The following SCAF8 variants were observed in gnomAD, a reference collection of about 807,000 sequenced individuals.
The protein encoded by SCAF8 is SR-related and CTD-associated factor 8.
SCAF8 carries 23 observed loss-of-function variants against 140.5 expected under a neutral mutation model. The ratio of observed to expected loss-of-function variants is 0.16; its 90% confidence interval spans 0.12 to 0.23. The LOEUF is 0.23. SCAF8 is among the 10% of genes least tolerant of loss of function. SCAF8 has a pLI of 1.00. For synonymous variants in SCAF8, 575 were observed against 528.9 expected (o/e 1.09, Z -1.20); for missense variants, 1,397 against 1,555.7 (o/e 0.90, Z 1.72).
chr6:154,824,521 C>A (rs1778508518), intron 17 of SCAF8, 143 bp downstream of exon 17: 4 of 700,854 alleles, frequency 5.7e-6, no homozygotes, highest in Non-Finnish European at 9.3e-6. Flanking sequence ...CTGGGCCCAG[C>A]CTCCACTGTT....
At chr6:154,771,533 G>A (rs1047667086) in intron 1 of SCAF8, among the ~76,000 whole-genome samples, 1 of 152,178 alleles carries the variant, frequency 6.6e-6, no homozygotes, top group Non-Finnish European at 1.5e-5. Context: ...AGAGTGGGAA[G>A]GCATCGACCA....
At chr6:154,737,663 C>T (rs574125576) in intron 1 of SCAF8, among the ~76,000 whole-genome samples, 1 of 152,120 alleles carries the variant, frequency 6.6e-6, no homozygotes, top group East Asian at 1.9e-4. Flanking sequence ...AGCTGCACCA[C>T]TACACTCTGG....
Position 154,832,044 on chromosome 6 carries a change from G to C in SCAF8, c.2465G>C (p.Ser822Thr), listed in dbSNP as rs1444906304. The change falls in exon 20 of 20, where the codon AGT becomes ACT. Residue 822 changes from serine (S) to threonine (T), a missense_variant. Coordinates refer to ENST00000367178, the MANE Select transcript of SCAF8 (RefSeq NM_014892.5). ...ILGVQRPNVS[S>T]NSEILGVRPS... ...GGAGTCCAAAGACCAAATGTATCAA[G>C]TAATTCTGAAATTCTTGGGGTCCGG... 1 of 1,613,924 alleles carries C rather than the reference G, an allele frequency of 6.2e-7. No homozygotes were observed. The highest frequency in any genetic ancestry group is 1.3e-5 in the African/African-American group (1 of 74,880).
intron 2 of SCAF8, among the ~76,000 whole-genome samples, chr6:154,775,155 G>C (rs779676581): frequency 6.6e-6 from 1 of 152,140 alleles, no homozygotes; most frequent in East Asian, 1.9e-4. Context: ...CGTTGATTTT[G>C]CAGTTTTCTA....
At chr6:154,813,744 C>T (rs1286763261) in intron 12 of SCAF8, among the ~76,000 whole-genome samples, 1 of 151,880 alleles carries the variant, frequency 6.6e-6, no homozygotes, top group African/African-American at 2.4e-5. Context: ...TCCAGAAGGC[C>T]CAGTTTAATT....
At chr6:154,814,242 C>T (rs565705632) in intron 12 of SCAF8, among the ~76,000 whole-genome samples, 90 of 152,154 alleles carry the variant, frequency 5.9e-4, no homozygotes, top group African/African-American at 2.1e-3. Flanking sequence ...CACTTGAGCC[C>T]GGGAGGTGAA....
At chr6:154,775,137 A>G (rs79370245) in intron 2 of SCAF8, among the ~76,000 whole-genome samples, 2,872 of 152,368 alleles carry the variant, frequency 0.019, 54 homozygotes, top group Non-Finnish European at 0.033. Context: ...GTGAAAATTC[A>G]GATGATTCGT....
intron 1 of SCAF8, among the ~76,000 whole-genome samples, chr6:154,771,657 C>T (rs998986140): frequency 1.3e-5 from 2 of 152,088 alleles, no homozygotes; most frequent in African/African-American, 4.8e-5. Context: ...AAACCAAATG[C>T]ATGTTCTCAC....
At chr6:154,815,843 G>C in intron 13 of SCAF8, 27 bp downstream of exon 13, 1 of 1,472,178 alleles carries the variant, frequency 6.8e-7, no homozygotes, top group Non-Finnish European at 9.5e-7. Flanking sequence ...AATAATTTAA[G>C]GTTTTAAAAA....
chr6:154,824,108 G>A, intron 16 of SCAF8, 126 bp from the exon 17 acceptor site: 1 of 865,866 alleles, frequency 1.2e-6, no homozygotes, highest in Non-Finnish European at 1.8e-6. Flanking sequence ...ACAAAAAGGG[G>A]GCATAAAACC....
intron 1 of SCAF8, among the ~76,000 whole-genome samples, chr6:154,736,977 T>A (rs1245177170): frequency 6.6e-6 from 1 of 152,250 alleles, no homozygotes; most frequent in Non-Finnish European, 1.5e-5. Context: ...ACTTTTTTTT[T>A]TAAACACAAA....
chr6:154,830,961 T>A lies in SCAF8; in HGVS notation c.2180T>A (p.Val727Glu). 1 of 1,614,120 alleles carries A rather than the reference T, an allele frequency of 6.2e-7. No individual in the cohort carries two copies. Among genetic ancestry groups the A allele is most frequent in the South Asian group, 1.1e-5 (1 of 91,082 alleles). Residue 727 changes from valine to glutamate, a missense_variant, in exon 19 of 20, where the codon GTG becomes GAG. Coordinates refer to ENST00000367178, the MANE Select transcript of SCAF8 (RefSeq NM_014892.5). ...QPSLSMTPET[V>E]KDVGFGSLVI... ...TCATTATCCATGACACCGGAAACTG[T>A]GAAAGATGTTGGATTTGGTAGCCTT...
Position 154,784,142 on chromosome 6 carries a change from TA to T in SCAF8, c.160-3718del, listed in dbSNP as rs1562444144. On this transcript the variant is annotated intron_variant, in intron 3 of 19. Coordinates refer to ENST00000367178, the MANE Select transcript of SCAF8 (RefSeq NM_014892.5). ...TGAGATATATATATATATATATATA[TA>T]TATATATATATATATTTATTTATTT... Among the ~76,000 whole-genome samples, 374 of 89,268 alleles carry T rather than the reference TA, an allele frequency of 4.2e-3. 5 individuals are homozygous for T. The highest frequency in any genetic ancestry group is 6.4e-3 in the South Asian group (13 of 2,020). The allele number at this position is 89,268 out of a possible 152,430, so 58.6% of individuals were successfully genotyped here.
chr6:154,810,215 A>T lies in SCAF8; in HGVS notation c.1420+7A>T. On this transcript the variant is annotated splice_region_variant and intron_variant, in intron 12 of 19. Coordinates refer to ENST00000367178, the MANE Select transcript of SCAF8 (RefSeq NM_014892.5). Reference sequence around the variant, plus strand: ...AGATCTAAAACACTAAGTGGTAAGTAACATATATCTGCAACGCTTTGGTTT... The same window carrying T: ...AGATCTAAAACACTAAGTGGTAAGTTACATATATCTGCAACGCTTTGGTTT... 6.4e-7 allele frequency: 1 copy of T among 1,572,044 alleles called. No homozygotes were observed. The highest frequency in any genetic ancestry group is 8.6e-7 in the Non-Finnish European group (1 of 1,156,688).
intron 2 of SCAF8, among the ~76,000 whole-genome samples, chr6:154,776,498 A>G (rs1776922531): frequency 6.6e-6 from 1 of 152,150 alleles, no homozygotes; most frequent in Non-Finnish European, 1.5e-5. Context: ...TTCAGTTAAG[A>G]TTTATGAAGT....
At chr6:154,759,313 T>G (rs953976397) in intron 1 of SCAF8, among the ~76,000 whole-genome samples, 5 of 152,206 alleles carry the variant, frequency 3.3e-5, no homozygotes, top group African/African-American at 1.2e-4. Flanking sequence ...ATTTGTGTGT[T>G]GAATTAAAGG....
At chr6:154,797,422 G>A (rs918249274) in intron 6 of SCAF8, among the ~76,000 whole-genome samples, 20 of 150,960 alleles carry the variant, frequency 1.3e-4, no homozygotes, top group African/African-American at 4.8e-4. Flanking sequence ...TTGAGACGGA[G>A]TCTCGCTGTG....
chr6:154,793,800 A>C (rs1413921810), intron 5 of SCAF8, among the ~76,000 whole-genome samples: 1 of 136,152 alleles, frequency 7.3e-6, no homozygotes, highest in Non-Finnish European at 1.5e-5. Context: ...GGGCAACAAG[A>C]GCAAAACTCT....
Position 154,733,446 on chromosome 6 carries a change from GCTT to G in SCAF8, c.-453_-451del. On this transcript the variant is annotated 5_prime_UTR_variant, in exon 1 of 20. Transcript: ENST00000367178. ...GGATGCCGCAGCCGCTGCTGCCAGC[GCTT>G]CCTCCTCTGTCTTCGCCGAGCGGGG... 1 of 1,392,660 alleles carries G rather than the reference GCTT, an allele frequency of 7.2e-7. No individual in the cohort carries two copies. The highest frequency in any genetic ancestry group is 9.3e-7 in the Non-Finnish European group (1 of 1,072,776). The allele number at this position is 1,392,660 out of a possible 1,614,324, so 86.3% of individuals were successfully genotyped here. A position where few individuals can be genotyped will look rare whatever the true frequency, so the allele number is the denominator to read the frequency against.
Sources: allele counts gnomAD v4.1 joint callset (sites outside exome capture counted in the v4.1 genomes callset), GRCh38; gene constraint gnomAD v4.1.1; transcripts MANE v1.5; gene names NCBI Gene and HGNC (gene_info 2026-07-23, HGNC 2026-07-21).